The following NXNL2 variants were observed in gnomAD, a reference collection of about 807,000 sequenced individuals.
NXNL2 encodes the protein nucleoredoxin like 2, also known as nucleoredoxin-like protein 2.
A neutral mutation model predicts 11.1 loss-of-function variants in NXNL2; 7 were observed. That is an observed-to-expected ratio of 0.63 (90% CI 0.36 to 1.18). NXNL2 has a LOEUF of 1.18. NXNL2 is among the 50% of genes most tolerant of loss of function. The pLI is 0.02. For synonymous variants in NXNL2, 109 were observed against 101.8 expected (o/e 1.07, Z -0.42); for missense variants, 233 against 217.7 (o/e 1.07, Z -0.44).
chr9:88,574,970 T>A (rs1276767844), intron 2 of NXNL2: 1 of 172,058 alleles, frequency 5.8e-6, no homozygotes, highest in Non-Finnish European at 1.2e-5. Context: ...CATAACTTAC[T>A]TTAAATAATT....
intron 2 of NXNL2, chr9:88,575,066 C>T (rs955192266): frequency 2.3e-6 from 2 of 869,458 alleles, no homozygotes; most frequent in African/African-American, 1.8e-5. Context: ...AGCTCACCCT[C>T]CCCTTCTTAT....
chr9:88,557,080 C>CAAAAAAAAA (rs150400954), intron 1 of NXNL2, among the ~76,000 whole-genome samples: 1 of 55,610 alleles, frequency 1.8e-5, no homozygotes, highest in African/African-American at 4.8e-5. Context: ...GACTCCATCT[C>CAAAAAAAAA]AAAAAAAAAA....
chr9:88,554,898 T>G (rs1439703544), intron 1 of NXNL2, among the ~76,000 whole-genome samples: 1 of 152,244 alleles, frequency 6.6e-6, no homozygotes, highest in Non-Finnish European at 1.5e-5. Context: ...TTTGCAATTC[T>G]GCTTCTTATT....
chr9:88,564,476 G>A (rs1411645558), intron 1 of NXNL2, among the ~76,000 whole-genome samples: 2 of 151,930 alleles, frequency 1.3e-5, no homozygotes, highest in East Asian at 3.9e-4. Flanking sequence ...GAGTGCAGTG[G>A]CACCATCTCA....
At chr9:88,555,797 C>T (rs1455272201) in intron 1 of NXNL2, among the ~76,000 whole-genome samples, 1 of 152,184 alleles carries the variant, frequency 6.6e-6, no homozygotes, top group African/African-American at 2.4e-5. Flanking sequence ...TCAGTTCTTG[C>T]TACTGTCCCA....
intron 1 of NXNL2, among the ~76,000 whole-genome samples, chr9:88,570,000 T>G (rs1485345183): frequency 2.0e-5 from 3 of 152,208 alleles, no homozygotes; most frequent in Non-Finnish European, 2.9e-5. Flanking sequence ...CAAACCTCCA[T>G]GCCCATTCAG....
chr9:88,574,861 G>C (rs1246617386), intron 2 of NXNL2, among the ~76,000 whole-genome samples: 1 of 152,196 alleles, frequency 6.6e-6, no homozygotes, highest in African/African-American at 2.4e-5. Context: ...CAGGGGCCAG[G>C]TGGTCTGAGC....
downstream of NXNL2, among the ~76,000 whole-genome samples, chr9:88,579,926 C>G (rs993657012): frequency 6.6e-6 from 1 of 151,838 alleles, no homozygotes. Flanking sequence ...GTCAGGAGAT[C>G]GAGACCCTCC....
downstream of NXNL2, among the ~76,000 whole-genome samples, chr9:88,545,774 CT>C (rs1205089856): frequency 6.6e-6 from 1 of 150,998 alleles, no homozygotes; most frequent in South Asian, 2.1e-4. Flanking sequence ...TTTTTCTTTT[CT>C]TTTTTTTTGA....
At chr9:88,576,555 C>T (rs982933837), downstream of NXNL2, among the ~76,000 whole-genome samples, 1 of 152,118 alleles carries the variant, frequency 6.6e-6, no homozygotes, top group Non-Finnish European at 1.5e-5. Flanking sequence ...TAGCAGGTGA[C>T]AAGGGAGACA....
chr9:88,584,007 G>A (rs1830435676), exon 2 of NXNL2: 4 of 152,228 alleles, frequency 2.6e-5, no homozygotes, highest in African/African-American at 9.7e-5. Flanking sequence ...AGCAGCCGGA[G>A]CCAACTAATA....
At chr9:88,564,502 C>T (rs1351228845) in intron 1 of NXNL2, among the ~76,000 whole-genome samples, 5 of 151,998 alleles carry the variant, frequency 3.3e-5, no homozygotes, top group East Asian at 1.9e-4. Flanking sequence ...CTGCAACCTC[C>T]GCCTCCAGGG....
chr9:88,559,252 A>G (rs757790647), intron 1 of NXNL2, among the ~76,000 whole-genome samples: 25 of 152,094 alleles, frequency 1.6e-4, no homozygotes, highest in Non-Finnish European at 3.1e-4. Context: ...AGGCCTGCTC[A>G]TGGCCCGTGG....
At chr9:88,562,874 G>A (rs1230421489) in intron 1 of NXNL2, among the ~76,000 whole-genome samples, 1 of 152,060 alleles carries the variant, frequency 6.6e-6, no homozygotes, top group Non-Finnish European at 1.5e-5. Flanking sequence ...TGGATCACAA[G>A]GTCAAGAGAT....
chr9:88,546,148 CGTGTGT>C (rs747134247), downstream of NXNL2, among the ~76,000 whole-genome samples: 26 of 147,476 alleles, frequency 1.8e-4, no homozygotes, highest in East Asian at 1.4e-3. Context: ...ACTGAGTGTT[CGTGTGT>C]GTGTGTGTGT....
At chr9:88,572,562 A>G (rs1830287449) in intron 2 of NXNL2, among the ~76,000 whole-genome samples, 2 of 152,166 alleles carry the variant, frequency 1.3e-5, no homozygotes, top group South Asian at 4.1e-4. Flanking sequence ...TGCCCCTACC[A>G]GGCGACATGC....
intron 1 of NXNL2, among the ~76,000 whole-genome samples, chr9:88,563,363 C>A (rs548311653): frequency 6.6e-6 from 1 of 152,320 alleles, no homozygotes; most frequent in African/African-American, 2.4e-5. Context: ...TACATTAGTT[C>A]TTCTCCTGAC....
In NXNL2 at chr9:88,535,406, C is replaced by T. The variant is rs1334925160; in HGVS notation, c.-29C>T. On this transcript the variant is annotated 5_prime_UTR_variant, in exon 1 of 2. Transcript: ENST00000375854. Reference sequence around the variant, plus strand: ...GTGATCATCCTCCTGCAGGTGTCCTCGGGTCTCAGGTGGCTGCGTGTCTGC... The same window carrying T: ...GTGATCATCCTCCTGCAGGTGTCCTTGGGTCTCAGGTGGCTGCGTGTCTGC... 1.3e-6 allele frequency: 2 copies of T among 1,554,150 alleles called. No individual in the cohort carries two copies. The highest frequency in any genetic ancestry group is 1.9e-5 in the Admixed American group (1 of 53,936).
intron 1 of NXNL2, among the ~76,000 whole-genome samples, chr9:88,553,343 TCTCAAAAAAGC>T (rs1182872568): frequency 1.3e-5 from 2 of 151,766 alleles, no homozygotes; most frequent in Non-Finnish European, 2.9e-5. Flanking sequence ...TGAAATTCTG[TCTCAAAAAAGC>T]CCAAACAACA....
Sources: allele counts gnomAD v4.1 joint callset (sites outside exome capture counted in the v4.1 genomes callset), GRCh38; gene constraint gnomAD v4.1.1; transcripts MANE v1.5; gene names NCBI Gene and HGNC (gene_info 2026-07-23, HGNC 2026-07-21).